Variants in DNAH14 observed in about 807,000 individuals in gnomAD.
DNAH14 encodes the protein dynein axonemal heavy chain 14, also known as axonemal beta dynein heavy chain 14.
In DNAH14, 478 loss-of-function variants were observed where a neutral mutation model predicts 520.9. That is an observed-to-expected ratio of 0.92 (90% CI 0.85 to 0.99). The LOEUF (loss-of-function observed/expected upper bound fraction) is 0.99, where lower values mean the gene tolerates loss of function less well. DNAH14 is among the 50% of genes least tolerant of loss of function. The pLI, the probability that DNAH14 is intolerant of heterozygous loss-of-function variation, is 0.00. For missense variants in DNAH14, 4,831 were observed against 5,234.5 expected, an observed-to-expected ratio of 0.92 and a Z score of 2.38; for synonymous variants, 1,581 against 1,757.2, an observed-to-expected ratio of 0.90 and a Z score of 2.51.
intron 28 of DNAH14, among the ~76,000 whole-genome samples, chr1:225,143,407 T>C (rs1340824580): frequency 1.3e-5 from 2 of 152,178 alleles, no homozygotes; most frequent in Non-Finnish European, 2.9e-5. Context: ...ATTTTTCTTT[T>C]ATTTTTAATT....
intron 75 of DNAH14, among the ~76,000 whole-genome samples, chr1:225,362,445 C>T (rs935182541): frequency 6.6e-6 from 1 of 151,892 alleles, no homozygotes; most frequent in African/African-American, 2.4e-5. Flanking sequence ...CGTGGTGGCA[C>T]ACGCCTGTAG....
At chr1:225,385,110 A>G (rs2095825263) in intron 81 of DNAH14, among the ~76,000 whole-genome samples, 1 of 152,268 alleles carries the variant, frequency 6.6e-6, no homozygotes, top group Non-Finnish European at 1.5e-5. Context: ...TCATGTAAAC[A>G]GAACCAAAGA....
intron 64 of DNAH14, among the ~76,000 whole-genome samples, chr1:225,328,644 G>GA (rs11414298): frequency 0.64 from 97,283 of 151,824 alleles, 31,990 homozygotes; most frequent in East Asian, 0.78. Flanking sequence ...GAACTTTGGG[G>GA]AAAAAACAAT....
At chr1:225,274,446 G>A (rs1484409109) in intron 52 of DNAH14, among the ~76,000 whole-genome samples, 1 of 151,694 alleles carries the variant, frequency 6.6e-6, no homozygotes, top group South Asian at 2.1e-4. Context: ...CGCCCGCCTC[G>A]GCCTCCCAAA....
At chr1:225,161,001 A>G (rs2081460466) in intron 35 of DNAH14, among the ~76,000 whole-genome samples, 2 of 152,236 alleles carry the variant, frequency 1.3e-5, no homozygotes, top group African/African-American at 4.8e-5. Context: ...TAAGATTTTC[A>G]AATTCCCTCT....
chr1:225,026,230 A>C (rs2066111074), intron 11 of DNAH14, among the ~76,000 whole-genome samples: 1 of 151,294 alleles, frequency 6.6e-6, no homozygotes, highest in Non-Finnish European at 1.5e-5. Flanking sequence ...GGAGTAAAAA[A>C]GTTTTTAATT....
intron 41 of DNAH14, among the ~76,000 whole-genome samples, chr1:225,213,122 C>T (rs2088706011): frequency 6.6e-6 from 1 of 152,174 alleles, no homozygotes; most frequent in African/African-American, 2.4e-5. Context: ...CAACTTTCTA[C>T]ATATGGCTAG....
rs1325572223 is a variant in DNAH14, at chr1:224,974,079, T to C, written c.768-12T>C. The C allele has an allele frequency of 3.6e-5, 54 of 1,486,514 alleles. No individual in the cohort carries two copies. Among genetic ancestry groups the C allele is most frequent in the Non-Finnish European group, 4.7e-5 (52 of 1,112,960 alleles). 92.1% of individuals were successfully genotyped at this position (1,486,514 alleles called of 1,614,324 possible). A position where few individuals can be genotyped will look rare whatever the true frequency, so the allele number is the denominator to read the frequency against. On this transcript the variant is annotated splice_polypyrimidine_tract_variant and intron_variant, in intron 7 of 85. Transcript: ENST00000682510. The stretch of plus-strand genomic sequence containing the variant: ...TATGGATATGGAATATAAGAAGCAT[T>C]TTTCCTTTCAGAATGAATAAAGCAT...
chr1:225,174,532 C>T (rs2083100864), intron 36 of DNAH14, among the ~76,000 whole-genome samples: 1 of 152,162 alleles, frequency 6.6e-6, no homozygotes, highest in African/African-American at 2.4e-5. Flanking sequence ...TTGTATTCTG[C>T]AACCTTATTA....
In DNAH14 at chr1:225,206,954, C is replaced by A; in HGVS notation, c.6187-14C>A. 1 of 1,458,070 alleles carries A rather than the reference C, an allele frequency of 6.9e-7. No individual in the cohort carries two copies. The allele number at this position is 1,458,070 out of a possible 1,614,324, so 90.3% of individuals were successfully genotyped here. A position where few individuals can be genotyped will look rare whatever the true frequency, so the allele number is the denominator to read the frequency against. On this transcript the variant is annotated splice_polypyrimidine_tract_variant and intron_variant, in intron 40 of 85. Coordinates refer to ENST00000682510, the MANE Select transcript of DNAH14 (RefSeq NM_001367479.1). ...TTTATTTACATAAGATTATATTTTG[C>A]TCCTTATTATTAGGATCCTGTTGAT...
At chr1:225,343,246 G>C (rs776245721) in intron 69 of DNAH14, among the ~76,000 whole-genome samples, 1 of 152,212 alleles carries the variant, frequency 6.6e-6, no homozygotes, top group Non-Finnish European at 1.5e-5. Context: ...GGTCTGCTAA[G>C]ATGTGCAGAA....
Position 225,351,774 on chromosome 1 carries a change from A to C in DNAH14, c.11424A>C (p.Val3808=). Residue 3808 remains valine (V), a synonymous_variant, in exon 72 of 86, where the codon GTA becomes GTC. Coordinates refer to ENST00000682510, the MANE Select transcript of DNAH14 (RefSeq NM_001367479.1). ...TGTGCAAATCCCTTTTATCAAACGTATCACAATGGGATACTTTTAAGAACA... is the reference window on the plus strand; with the variant it reads ...TGTGCAAATCCCTTTTATCAAACGTCTCACAATGGGATACTTTTAAGAACA... ...SLLCKSLLSN[V]SQWDTFKNSK... The C allele has an allele frequency of 6.4e-7, 1 of 1,551,370 alleles. No individual in the cohort carries two copies.
Position 225,083,637 on chromosome 1 carries a change from C to G in DNAH14, c.3327+898C>G, listed in dbSNP as rs1267819820. Among the ~76,000 whole-genome samples, 4 of 152,240 alleles carry G rather than the reference C, an allele frequency of 2.6e-5. No individual in the cohort carries two copies. The East Asian group carries it at 7.7e-4, about 29-fold the overall frequency. The stretch of plus-strand genomic sequence containing the variant: ...TATCTCAGTTGATGGTAGCTCCATT[C>G]TTCCAATTGTTTACACTAAAAATCA... On this transcript the variant is annotated intron_variant, in intron 20 of 85. Transcript: ENST00000682510.
intron 19 of DNAH14, among the ~76,000 whole-genome samples, chr1:225,082,101 T>C (rs1381555468): frequency 1.3e-5 from 2 of 151,890 alleles, no homozygotes; most frequent in Non-Finnish European, 2.9e-5. Flanking sequence ...CAAGACCTCA[T>C]CTTGCTATGT....
At chr1:225,085,172 A>T (rs534770621) in intron 20 of DNAH14, among the ~76,000 whole-genome samples, 35 of 152,302 alleles carry the variant, frequency 2.3e-4, no homozygotes, top group African/African-American at 8.4e-4. Context: ...TACCAGGGAT[A>T]AAACAATAAG....
intron 66 of DNAH14, among the ~76,000 whole-genome samples, chr1:225,335,519 A>G (rs1210158054): frequency 7.1e-6 from 1 of 141,356 alleles, no homozygotes; most frequent in African/African-American, 2.5e-5. Flanking sequence ...ATACATATGT[A>G]CATATATACA....
chr1:225,067,749 G>A (rs531397742), intron 17 of DNAH14, among the ~76,000 whole-genome samples: 5 of 151,396 alleles, frequency 3.3e-5, no homozygotes, highest in South Asian at 2.1e-4. Flanking sequence ...TGTGATTGTC[G>A]GCTGCATGTA....
Position 225,080,359 on chromosome 1 carries a change from G to A in DNAH14, c.2767-20G>A. 1 of 1,502,250 alleles carries A rather than the reference G, an allele frequency of 6.7e-7. No individual in the cohort carries two copies. The highest frequency in any genetic ancestry group is 8.9e-7 in the Non-Finnish European group (1 of 1,125,682). The allele number at this position is 1,502,250 out of a possible 1,614,324, so 93.1% of individuals were successfully genotyped here. A position where few individuals can be genotyped will look rare whatever the true frequency, so the allele number is the denominator to read the frequency against. ...TAGACATACTGATTTCTCTTAGAAAGTCCTACTCTTATTTTTTAGATAAGA... is the reference window on the plus strand; with the variant it reads ...TAGACATACTGATTTCTCTTAGAAAATCCTACTCTTATTTTTTAGATAAGA... On this transcript the variant is annotated intron_variant, in intron 18 of 85. Coordinates refer to ENST00000682510, the MANE Select transcript of DNAH14 (RefSeq NM_001367479.1).
At chr1:225,298,908 C>A (rs949457887) in intron 55 of DNAH14, among the ~76,000 whole-genome samples, 1 of 152,192 alleles carries the variant, frequency 6.6e-6, no homozygotes, top group Admixed American at 6.5e-5. Flanking sequence ...AAGGAGAAGT[C>A]CCTCTTGACT....
Sources: allele counts gnomAD v4.1 joint callset (sites outside exome capture counted in the v4.1 genomes callset), GRCh38; gene constraint gnomAD v4.1.1; transcripts MANE v1.5; gene names NCBI Gene and HGNC (gene_info 2026-07-23, HGNC 2026-07-21).